PDE4D: variants seen among roughly 807,000 people sequenced by gnomAD.
PDE4D encodes the protein 3',5'-cyclic-AMP phosphodiesterase 4D.
In PDE4D, 24 loss-of-function variants were observed where a neutral mutation model predicts 87.4. The ratio of observed to expected loss-of-function variants is 0.27; its 90% confidence interval spans 0.20 to 0.39. PDE4D has a LOEUF of 0.39. Ranked by LOEUF, PDE4D falls within the 10% of genes least tolerant of loss-of-function variation. The probability of loss-of-function intolerance (pLI) is 1.00; values close to 1 mark genes in which losing one functional copy is unlikely to be tolerated. For synonymous variants in PDE4D, 384 were observed against 383.2 expected (o/e 1.00, Z -0.02); for missense variants, 714 against 1,041.0 (o/e 0.69, Z 4.32).
chr5:59,716,960 GATTGTCATGGATGCAAGC>G (rs1451578893), intron 1 of PDE4D, among the ~76,000 whole-genome samples: 1 of 152,198 alleles, frequency 6.6e-6, no homozygotes, highest in Non-Finnish European at 1.5e-5. Context: ...TTTTCTGAAA[GATTGTCATGGATGCAAGC>G]ATGTTATTAT....
At chr5:59,717,768 G>A (rs887708158) in intron 1 of PDE4D, among the ~76,000 whole-genome samples, 5 of 152,156 alleles carry the variant, frequency 3.3e-5, no homozygotes, top group African/African-American at 1.2e-4. Flanking sequence ...ATAGTGGCAA[G>A]AGCCAACAAT....
chr5:59,932,859 A>G (rs1756123868), intron 3 of PDE4D, among the ~76,000 whole-genome samples: 1 of 152,222 alleles, frequency 6.6e-6, no homozygotes, highest in South Asian at 2.1e-4. Flanking sequence ...ATTTCCCTAG[A>G]AAATTTCTGT....
chr5:59,908,842 G>A (rs1753130010), intron 3 of PDE4D, among the ~76,000 whole-genome samples: 1 of 152,012 alleles, frequency 6.6e-6, no homozygotes, highest in Admixed American at 6.6e-5. Flanking sequence ...TCCATGATGG[G>A]GAAAACTAAT....
At position 59,387,495 on chromosome 5, in the gene PDE4D, T is replaced by C. The variant is rs184919025; in HGVS notation, c.456-171527A>G. 2.0e-3 allele frequency among the ~76,000 whole-genome samples: 297 copies of C among 152,248 alleles called. 1 individual carries two copies. The highest frequency in any genetic ancestry group is 3.5e-3 in the Non-Finnish European group (238 of 68,004). On this transcript the variant is annotated intron_variant, in intron 1 of 14. Coordinates refer to ENST00000340635, the MANE Select transcript of PDE4D (RefSeq NM_001104631.2). ...AAATGGATTTTATGAAGGGACATGA[T>C]TTCTCAATGAGAAAGAAAGAGGAAA...
intron 1 of PDE4D, among the ~76,000 whole-genome samples, chr5:60,326,091 A>G (rs1407408951): frequency 6.6e-6 from 1 of 152,122 alleles, no homozygotes; most frequent in Non-Finnish European, 1.5e-5. Flanking sequence ...TGTTGCTTCC[A>G]GTTTTAGGCG....
intron 1 of PDE4D, among the ~76,000 whole-genome samples, chr5:59,463,518 A>G (rs892434440): frequency 1.3e-5 from 2 of 152,224 alleles, no homozygotes; most frequent in African/African-American, 4.8e-5. Flanking sequence ...GCACTGAATC[A>G]CATGCTCATT....
intron 1 of PDE4D, among the ~76,000 whole-genome samples, chr5:59,553,561 C>A (rs540096499): frequency 6.6e-6 from 1 of 152,210 alleles, no homozygotes; most frequent in Non-Finnish European, 1.5e-5. Flanking sequence ...AGAGACACTC[C>A]TCAACTTTCT....
At chr5:59,394,841 T>A (rs1193952394) in intron 1 of PDE4D, among the ~76,000 whole-genome samples, 1 of 151,826 alleles carries the variant, frequency 6.6e-6, no homozygotes, top group Admixed American at 6.6e-5. Context: ...CACTAGGGAG[T>A]GCCAGACAGT....
Position 58,972,171 on chromosome 5 carries a change from A to ATGTT in PDE4D, c.*2489_*2492dup, listed in dbSNP as rs1488005894. 4 of 152,470 alleles carry ATGTT rather than the reference A, an allele frequency of 2.6e-5. No individual in the cohort carries two copies. The highest frequency in any genetic ancestry group is 5.9e-5 in the Non-Finnish European group (4 of 67,972). The allele number at this position is 152,470 out of a possible 1,614,324, so 9.4% of individuals were successfully genotyped here. On this transcript the variant is annotated 3_prime_UTR_variant, in exon 15 of 15. Coordinates refer to ENST00000340635, the MANE Select transcript of PDE4D (RefSeq NM_001104631.2). ...AAGTGTAGGGAGGAGAGGAATGAGA[A>ATGTT]TGTTTTGGAAAGAGGAATAAACTCT...
At chr5:59,126,276 A>G (rs1407994611) in intron 5 of PDE4D, among the ~76,000 whole-genome samples, 3 of 152,222 alleles carry the variant, frequency 2.0e-5, no homozygotes, top group South Asian at 4.1e-4. Context: ...CCCAAGTTAC[A>G]AATTTACTTG....
intron 1 of PDE4D, among the ~76,000 whole-genome samples, chr5:59,381,274 C>T (rs1030529791): frequency 7.9e-5 from 12 of 152,016 alleles, no homozygotes; most frequent in African/African-American, 2.7e-4. Context: ...ATATCAACTC[C>T]GTTCTGATGA....
At chr5:59,800,472 G>A (rs1766991166) in intron 1 of PDE4D, among the ~76,000 whole-genome samples, 1 of 152,160 alleles carries the variant, frequency 6.6e-6, no homozygotes, top group Non-Finnish European at 1.5e-5. Context: ...CTTGCAGGGA[G>A]TCTCAAGTGC....
chr5:60,185,840 G>A (rs1784733387), intron 1 of PDE4D, among the ~76,000 whole-genome samples: 1 of 150,912 alleles, frequency 6.6e-6, no homozygotes, highest in Admixed American at 6.6e-5. Context: ...GTATACATAA[G>A]CAACATTTCC....
chr5:58,979,769 A>T (rs932646589), intron 11 of PDE4D, among the ~76,000 whole-genome samples: 5 of 152,194 alleles, frequency 3.3e-5, no homozygotes, highest in African/African-American at 1.2e-4. Context: ...GTAAACTTCT[A>T]TACTACTTTG....
chr5:60,116,644 TG>T (rs1448183239), intron 2 of PDE4D, among the ~76,000 whole-genome samples: 2 of 152,052 alleles, frequency 1.3e-5, no homozygotes, highest in Non-Finnish European at 2.9e-5. Flanking sequence ...TATTTCTTTA[TG>T]GGAAAATTCG....
At chr5:59,614,215 C>T (rs937165470) in intron 1 of PDE4D, among the ~76,000 whole-genome samples, 8 of 152,160 alleles carry the variant, frequency 5.3e-5, no homozygotes. Context: ...ACACTCTGCT[C>T]TGACATTAGC....
chr5:59,961,818 A>G (rs1759503130), intron 3 of PDE4D, among the ~76,000 whole-genome samples: 1 of 152,114 alleles, frequency 6.6e-6, no homozygotes, highest in African/African-American at 2.4e-5. Flanking sequence ...TGAAGATGAT[A>G]AAAGCCAAAG....
intron 1 of PDE4D, among the ~76,000 whole-genome samples, chr5:59,262,051 T>A (rs1030018296): frequency 6.6e-6 from 1 of 151,930 alleles, no homozygotes; most frequent in Non-Finnish European, 1.5e-5. Flanking sequence ...GAAACACTTA[T>A]ATAAATGCAC....
intron 1 of PDE4D, among the ~76,000 whole-genome samples, chr5:59,305,570 C>T (rs113315637): frequency 0.028 from 4,208 of 152,168 alleles, 217 homozygotes; most frequent in African/African-American, 0.096. Flanking sequence ...ACCACCTTTG[C>T]TGTATCCCAG....
Sources: gnomAD v4.1 joint callset for allele counts (sites outside exome capture counted in the v4.1 genomes callset) on GRCh38, gnomAD v4.1.1 for gene constraint, MANE v1.5 for transcripts, NCBI Gene and HGNC (gene_info 2026-07-23, HGNC 2026-07-21) for gene names.